The following DUSP15 variants were observed in gnomAD, a reference collection of about 807,000 sequenced individuals.
DUSP15 encodes the protein dual specificity phosphatase 15.
In DUSP15, 23 loss-of-function variants were observed where a neutral mutation model predicts 26.3. The observed-to-expected ratio is 0.87, with a 90% CI of 0.63 to 1.24. DUSP15 has a LOEUF of 1.24. Among genes scored for constraint, DUSP15 ranks in the 50% most tolerant of loss-of-function variants. The pLI, the probability that DUSP15 is intolerant of heterozygous loss-of-function variation, is 0.00. For missense variants in DUSP15, 364 were observed against 320.6 expected (o/e 1.14, Z -1.03); for synonymous variants, 143 against 135.5 (o/e 1.06, Z -0.39).
chr20:31,846,295 CA>C (rs1271442581), downstream of DUSP15, among the ~76,000 whole-genome samples: 18 of 121,208 alleles, frequency 1.5e-4, no homozygotes, highest in African/African-American at 8.3e-4. Flanking sequence ...CAGACACAGA[CA>C]CACACACACA....
At chr20:31,846,535 C>A (rs1251156342), downstream of DUSP15, among the ~76,000 whole-genome samples, 2 of 151,858 alleles carry the variant, frequency 1.3e-5, no homozygotes, top group Non-Finnish European at 2.9e-5. Flanking sequence ...CCAGGGGCTT[C>A]TCTAATCCCT....
downstream of DUSP15, among the ~76,000 whole-genome samples, chr20:31,846,500 C>T (rs1308280374): frequency 1.3e-5 from 2 of 150,728 alleles, no homozygotes; most frequent in East Asian, 2.0e-4. Flanking sequence ...GGCCTGAGCC[C>T]AGTCCCCCTA....
chr20:31,865,095 C>A (rs1333810604), intron 3 of DUSP15, 93 bp from the exon 4 acceptor site: 4 of 1,383,252 alleles, frequency 2.9e-6, no homozygotes, highest in Non-Finnish European at 4.1e-6. Context: ...AACCCCAGCC[C>A]AGTTCCTGCC....
At chr20:31,866,880 G>A (rs949023457) in intron 3 of DUSP15, among the ~76,000 whole-genome samples, 191 bp downstream of exon 3, 3 of 152,214 alleles carry the variant, frequency 2.0e-5, no homozygotes, top group African/African-American at 7.2e-5. Flanking sequence ...GTGACCTCAG[G>A]TGAGTTAATT....
chr20:31,846,101 C>A (rs2062373523), downstream of DUSP15, among the ~76,000 whole-genome samples: 1 of 132,330 alleles, frequency 7.6e-6, no homozygotes, highest in African/African-American at 3.5e-5. Context: ...CACAGACATA[C>A]ACGTACAGAC....
intron 8 of DUSP15, among the ~76,000 whole-genome samples, chr20:31,849,282 C>T (rs2062422139): frequency 6.6e-6 from 1 of 152,126 alleles, no homozygotes; most frequent in Non-Finnish European, 1.5e-5. Context: ...CAAGCCTTCT[C>T]CATGCCAGCA....
chr20:31,864,628 C>T (rs1044932140), intron 4 of DUSP15, among the ~76,000 whole-genome samples: 3 of 152,192 alleles, frequency 2.0e-5, no homozygotes, highest in African/African-American at 7.2e-5. Flanking sequence ...AGAGCCTGGC[C>T]GGAACTCAGA....
intron 6 of DUSP15, among the ~76,000 whole-genome samples, chr20:31,853,529 A>C (rs2062509597): frequency 6.6e-6 from 1 of 151,986 alleles, no homozygotes; most frequent in Non-Finnish European, 1.5e-5. Context: ...AAAAAATAAA[A>C]AATAAAAATT....
At chr20:31,848,786 G>A in intron 9 of DUSP15, 1 of 1,602,012 alleles carries the variant, frequency 6.2e-7, no homozygotes. Context: ...TTCTTGGCTG[G>A]AGTGGAAGGA....
chr20:31,862,905 T>C (rs75694362), intron 5 of DUSP15, among the ~76,000 whole-genome samples, 163 bp from the exon 6 acceptor site: 19,596 of 152,224 alleles, frequency 0.13, 1,472 homozygotes, highest in Non-Finnish European at 0.16. Flanking sequence ...TGCCATGCTG[T>C]TCCCTCTGTC....
At chr20:31,854,355 G>C (rs1047610524) in intron 6 of DUSP15, among the ~76,000 whole-genome samples, 1 of 152,198 alleles carries the variant, frequency 6.6e-6, no homozygotes, top group Non-Finnish European at 1.5e-5. Context: ...ACCTAACCTC[G>C]TGAGGTTGGG....
chr20:31,848,966 C>T (rs2062416067), intron 8 of DUSP15: 4 of 1,300,626 alleles, frequency 3.1e-6, no homozygotes, highest in Non-Finnish European at 4.3e-6. Context: ...AACTAGGCAA[C>T]CCACTGGTGC....
intron 6 of DUSP15, among the ~76,000 whole-genome samples, chr20:31,854,348 T>C (rs2062524832): frequency 6.6e-6 from 1 of 152,232 alleles, no homozygotes; most frequent in African/African-American, 2.4e-5. Flanking sequence ...CAATACCACC[T>C]AACCTCGTGA....
At chr20:31,855,069 A>C (rs1000192116) in intron 6 of DUSP15, among the ~76,000 whole-genome samples, 18 of 152,356 alleles carry the variant, frequency 1.2e-4, no homozygotes, top group African/African-American at 4.3e-4. Context: ...GGCATATGAC[A>C]GCTTTCTTGC....
upstream of DUSP15, chr20:31,870,533 T>A: frequency 6.9e-7 from 1 of 1,448,216 alleles, no homozygotes; most frequent in Non-Finnish European, 9.1e-7. The surrounding 1 kb of genome is among the most constrained non-coding windows in gnomAD (Gnocchi z 6.6). Context: ...GAAATGGTGG[T>A]GGAGCCGCCG....
chr20:31,869,797 C>A lies in DUSP15; in HGVS notation c.22-200G>T, dbSNP rs1306645258. 12 of 1,436,196 alleles carry A rather than the reference C, an allele frequency of 8.4e-6. No individual in the cohort carries two copies. The South Asian group carries it at 1.2e-4, about 14-fold the overall frequency. 89.0% of individuals were successfully genotyped at this position (1,436,196 alleles called of 1,614,324 possible). On this transcript the variant is annotated intron_variant, in intron 1 of 6. Coordinates refer to ENST00000339738, the MANE Select transcript of DUSP15 (RefSeq NM_080611.5). ...GCTCTGGGGAGGGTAGGCTAGGGGG[C>A]CAGTTAACCAACCGAGGGAACCAAG...
chr20:31,846,440 A>AAGAGAGAGAGAGAGAGAGAGAGAGAGAG (rs1385705408), downstream of DUSP15, among the ~76,000 whole-genome samples: 2 of 95,294 alleles, frequency 2.1e-5, no homozygotes, highest in African/African-American at 1.2e-4. Flanking sequence ...GAAAGGAATG[A>AAGAGAGAGAGAGAGAGAGAGAGAGAGAG]ATAGAGAGAG....
Position 31,861,446 on chromosome 20 carries a change from A to T in DUSP15, c.665T>A (p.Phe222Tyr), listed in dbSNP as rs1362442209. The change falls in exon 7 of 7, where the codon TTC (phenylalanine) becomes TAC (tyrosine). Residue 222 changes from phenylalanine (F) to tyrosine (Y), a missense_variant. Phe to Tyr is a conservative substitution (Grantham distance 22). Coordinates refer to ENST00000339738, the MANE Select transcript of DUSP15 (RefSeq NM_080611.5). Reference protein sequence around the residue: ...LPLLARVKQTFSCLPRCLSRK... With the variant: ...LPLLARVKQTYSCLPRCLSRK... ...GGACAGACACCGGGGGAGGCAAGAG[A>T]AAGTCTGCTTGACGCGCGCCAGCAG... is the stretch of plus-strand genomic sequence containing the variant. 6.4e-7 allele frequency: 1 copy of T among 1,559,892 alleles called. No homozygotes were observed. The highest frequency in any genetic ancestry group is 2.4e-5 in the East Asian group (1 of 41,310).
At chr20:31,869,516 G>GA in intron 2 of DUSP15, 48 bp downstream of exon 2, 1 of 1,598,782 alleles carries the variant, frequency 6.3e-7, no homozygotes, top group Non-Finnish European at 8.5e-7. Flanking sequence ...ACACAGGCCT[G>GA]AGACAGGCAG....
Sources: allele counts gnomAD v4.1 joint callset (sites outside exome capture counted in the v4.1 genomes callset), GRCh38; gene constraint gnomAD v4.1.1; non-coding constraint Gnocchi (gnomAD v3.1); transcripts MANE v1.5; gene names NCBI Gene and HGNC (gene_info 2026-07-23, HGNC 2026-07-21).